Variants in PALMD observed in about 807,000 individuals in gnomAD.
The protein encoded by PALMD is paralemmin-like protein.
A neutral mutation model predicts 56.2 loss-of-function variants in PALMD; 42 were observed. The ratio of observed to expected loss-of-function variants is 0.75; its 90% CI spans 0.58 to 0.97. The LOEUF is 0.97. Among genes scored for constraint, PALMD ranks in the 50% least tolerant of loss-of-function variants. The probability of loss-of-function intolerance (pLI) is 0.00; values close to 1 mark genes in which losing one functional copy is unlikely to be tolerated. For synonymous variants in PALMD, 242 were observed against 222.9 expected (o/e 1.09, Z -0.76); for missense variants, 660 against 643.8 (o/e 1.03, Z -0.27).
chr1:99,653,425 A>C (rs552866838), intron 1 of PALMD, among the ~76,000 whole-genome samples: 1 of 152,166 alleles, frequency 6.6e-6, no homozygotes, highest in South Asian at 2.1e-4. Context: ...AAAAGAGTAA[A>C]ACACACGCTG....
In PALMD at chr1:99,689,492, A is replaced by G; in HGVS notation, c.1232A>G (p.Glu411Gly). 1.2e-6 allele frequency: 2 copies of G among 1,613,854 alleles called. No individual in the cohort carries two copies. The highest frequency in any genetic ancestry group is 1.7e-6 in the Non-Finnish European group (2 of 1,179,886). Residue 411 changes from glutamate to glycine, a missense_variant, in exon 7 of 8, where the codon GAA becomes GGA. Coordinates refer to ENST00000263174, the MANE Select transcript of PALMD (RefSeq NM_017734.5). ...CTGCCTCCAGACATAAATGATACAG[A>G]ACCGGTGACAATGATTTTCATGGGG... is the stretch of plus-strand genomic sequence containing the variant. Reference protein sequence around the residue: ...HSLPPDINDTEPVTMIFMGYQ... With the variant: ...HSLPPDINDTGPVTMIFMGYQ...
Position 99,661,527 on chromosome 1 carries a change from T to G in PALMD, c.46-792T>G, listed in dbSNP as rs962882734. On this transcript the variant is annotated intron_variant, in intron 1 of 7. Coordinates refer to ENST00000263174, the MANE Select transcript of PALMD (RefSeq NM_017734.5). The stretch of plus-strand genomic sequence containing the variant: ...AAGTAGGTGCTCTCAGTATCCTCGT[T>G]TTACAGATGAGGTCATTGAGGCACA... Among the ~76,000 whole-genome samples, 3 of 152,200 alleles carry G rather than the reference T, an allele frequency of 2.0e-5. No individual in the cohort carries two copies. In the South Asian group the frequency reaches 6.2e-4, roughly 32 times the overall value.
At chr1:99,683,053 A>AG (rs1491216391) in intron 3 of PALMD, among the ~76,000 whole-genome samples, 7 of 12,440 alleles carry the variant, frequency 5.6e-4, no homozygotes, top group Admixed American at 2.2e-3. Flanking sequence ...AGAAAGAAAG[A>AG]AAGAGAGAGA....
intron 1 of PALMD, among the ~76,000 whole-genome samples, chr1:99,661,382 A>C (rs537652174): frequency 1.3e-5 from 2 of 152,350 alleles, no homozygotes; most frequent in South Asian, 2.1e-4. Flanking sequence ...GTTGCTTTCT[A>C]TGTGATTAAC....
chr1:99,688,250 T>C (rs1017123933), intron 6 of PALMD, among the ~76,000 whole-genome samples: 1 of 152,148 alleles, frequency 6.6e-6, no homozygotes, highest in African/African-American at 2.4e-5. Flanking sequence ...GCCTCTCCAC[T>C]GTGAAAACTT....
intron 3 of PALMD, among the ~76,000 whole-genome samples, chr1:99,671,683 G>A (rs909366073): frequency 6.6e-6 from 1 of 151,938 alleles, no homozygotes; most frequent in Non-Finnish European, 1.5e-5. Flanking sequence ...TTTTTTTATG[G>A]CTTAAAGTCT....
intron 1 of PALMD, among the ~76,000 whole-genome samples, chr1:99,660,510 TG>T (rs1456549081): frequency 1.3e-5 from 2 of 152,236 alleles, no homozygotes; most frequent in African/African-American, 4.8e-5. Context: ...AATTAATATT[TG>T]CTCAAATAAC....
chr1:99,668,855 C>G (rs1457203968), intron 3 of PALMD: 1 of 152,128 alleles, frequency 6.6e-6, no homozygotes, highest in Admixed American at 6.6e-5. Context: ...ACAAAAGAAA[C>G]AGATACGGGA....
At chr1:99,652,862 T>C (rs3766580) in intron 1 of PALMD, among the ~76,000 whole-genome samples, 8,806 of 152,222 alleles carry the variant, frequency 0.058, 316 homozygotes, top group Middle Eastern at 0.16. Flanking sequence ...AAAACAGTTC[T>C]CCACCTCTGC....
intron 7 of PALMD, among the ~76,000 whole-genome samples, chr1:99,691,969 GA>G (rs1653661588): frequency 1.3e-5 from 2 of 152,096 alleles, no homozygotes; most frequent in South Asian, 2.1e-4. Context: ...CAAAAGACAA[GA>G]TTTTTTTAGT....
chr1:99,679,007 G>GTTTTTT (rs1200737085), intron 3 of PALMD, among the ~76,000 whole-genome samples: 1 of 151,906 alleles, frequency 6.6e-6, no homozygotes, highest in Non-Finnish European at 1.5e-5. Flanking sequence ...CTTGGGGAAT[G>GTTTTTT]TTGGGGGTGG....
At chr1:99,677,422 C>T (rs1051359721) in intron 3 of PALMD, among the ~76,000 whole-genome samples, 1 of 151,930 alleles carries the variant, frequency 6.6e-6, no homozygotes, top group Non-Finnish European at 1.5e-5. Flanking sequence ...AACTGGTAGA[C>T]ATTCAAGCAG....
rs550138821 is a variant in PALMD at position 99,652,815 on chromosome 1, T to C, written c.45+6453T>C. Among the ~76,000 whole-genome samples the C allele has an allele frequency of 2.0e-5, 3 of 152,296 alleles. No individual in the cohort carries two copies. The South Asian group carries it at 6.2e-4, about 32-fold the overall frequency. On this transcript the variant is annotated intron_variant, in intron 1 of 7. Transcript: ENST00000263174. ...GACGTGGAGCCAAGAGAAGAAACTATGGAGGGTCTGCTTTGCTTAACCACA... is the reference window on the plus strand; with the variant it reads ...GACGTGGAGCCAAGAGAAGAAACTACGGAGGGTCTGCTTTGCTTAACCACA...
chr1:99,691,070 C>A (rs1653642420), intron 7 of PALMD, among the ~76,000 whole-genome samples: 1 of 152,130 alleles, frequency 6.6e-6, no homozygotes, highest in African/African-American at 2.4e-5. Context: ...TACACGTATA[C>A]AACTTCCTCA....
intron 1 of PALMD, among the ~76,000 whole-genome samples, chr1:99,653,299 A>T (rs963130433): frequency 2.6e-5 from 4 of 152,070 alleles, no homozygotes; most frequent in African/African-American, 7.2e-5. Flanking sequence ...ACCCGGCCAA[A>T]TTTACCATCA....
At chr1:99,656,283 G>C (rs919759381) in intron 1 of PALMD, among the ~76,000 whole-genome samples, 19 of 151,988 alleles carry the variant, frequency 1.3e-4, no homozygotes, top group Non-Finnish European at 2.4e-4. Context: ...TGTTTCTCAA[G>C]AATGGTAAAA....
intron 1 of PALMD, among the ~76,000 whole-genome samples, chr1:99,648,428 G>A (rs1404502375): frequency 2.6e-5 from 4 of 152,084 alleles, no homozygotes; most frequent in Non-Finnish European, 5.9e-5. Flanking sequence ...TTCCCCCTAG[G>A]AAAATAAAAT....
intron 3 of PALMD, chr1:99,668,866 A>G (rs1314776083): frequency 6.6e-6 from 1 of 152,240 alleles, no homozygotes; most frequent in Admixed American, 6.5e-5. Context: ...AGATACGGGA[A>G]AGGCCAGAAT....
At chr1:99,685,879 A>G (rs1653481768) in intron 3 of PALMD, 1 of 152,198 alleles carries the variant, frequency 6.6e-6, no homozygotes, top group Admixed American at 6.6e-5. Context: ...AGGAGAGGTC[A>G]CGATGCTGCC....
Sources: gnomAD v4.1 joint callset for allele counts (sites outside exome capture counted in the v4.1 genomes callset) on GRCh38, gnomAD v4.1.1 for gene constraint, MANE v1.5 for transcripts, NCBI Gene and HGNC (gene_info 2026-07-23, HGNC 2026-07-21) for gene names.